Variants in B4GALT6 observed in about 807,000 individuals in gnomAD.
B4GALT6 encodes the protein beta-1,4-galactosyltransferase 6, also known as UDP-Gal:beta-GlcNAc beta-1,4-galactosyltransferase 6.
B4GALT6 carries 14 observed loss-of-function variants against 46.3 expected under a neutral mutation model. That is an observed-to-expected ratio of 0.30 (90% CI 0.20 to 0.47). The LOEUF (loss-of-function observed/expected upper bound fraction) is 0.47. Among genes scored for constraint, B4GALT6 ranks in the 20% least tolerant of loss-of-function variants. B4GALT6 has a pLI of 0.99. For synonymous variants in B4GALT6, 168 were observed against 162.0 expected, an observed-to-expected ratio of 1.04 and a Z score of -0.28; for missense variants, 386 against 480.1, an observed-to-expected ratio of 0.80 and a Z score of 1.83.
Position 31,668,075 on chromosome 18 carries a change from C to A in B4GALT6, c.116-1703G>T, listed in dbSNP as rs984740129. 4.2e-5 allele frequency among the ~76,000 whole-genome samples: 6 copies of A among 143,912 alleles called. No individual in the cohort carries two copies. The Admixed American group carries it at 4.3e-4, about 10-fold the overall frequency. 94.4% of individuals were successfully genotyped at this position (143,912 alleles called of 152,430 possible). A position where few individuals can be genotyped will look rare whatever the true frequency, so the allele number is the denominator to read the frequency against. On this transcript the variant is annotated intron_variant, in intron 1 of 8. Coordinates refer to ENST00000306851, the MANE Select transcript of B4GALT6 (RefSeq NM_004775.5). Reference sequence around the variant, plus strand: ...CTGCGCCACTGCACTCCAGCCTGGGCGAGGGAGCAAGACTCCATCTCAAAA... The same window carrying A: ...CTGCGCCACTGCACTCCAGCCTGGGAGAGGGAGCAAGACTCCATCTCAAAA...
chr18:31,687,339 G>T (rs149392277), upstream of B4GALT6, among the ~76,000 whole-genome samples: 375 of 152,312 alleles, frequency 2.5e-3, 2 homozygotes, highest in South Asian at 4.6e-3. Flanking sequence ...TCTGTCCACA[G>T]TAACAAATGA....
chr18:31,719,618 G>A, the B4GALT6 span, among the ~76,000 whole-genome samples: 1 of 152,218 alleles, frequency 6.6e-6, no homozygotes, highest in South Asian at 2.1e-4. Context: ...AGAGCCAGCT[G>A]TGCAGGAGAC....
At chr18:31,663,404 A>G (rs2074243208) in intron 2 of B4GALT6, among the ~76,000 whole-genome samples, 1 of 152,192 alleles carries the variant, frequency 6.6e-6, no homozygotes. Context: ...CTGCTTCAGT[A>G]ATTAGATGAA....
At chr18:31,720,405 T>C in the B4GALT6 span, among the ~76,000 whole-genome samples, 1 of 152,190 alleles carries the variant, frequency 6.6e-6, no homozygotes, top group South Asian at 2.1e-4. Context: ...GCTGGAGAGA[T>C]GTCAAGGACT....
rs753342828 is a variant in B4GALT6, at chr18:31,624,942, CAT to C, written c.*670_*671del. On this transcript the variant is annotated 3_prime_UTR_variant, in exon 9 of 9. Transcript: ENST00000306851. The stretch of plus-strand genomic sequence containing the variant: ...AGATGAGATTGCAAGCAAGGAAAAA[CAT>C]AGGTAATCCCGGTAGGAAGAAAAGC... The C allele has an allele frequency of 2.0e-5, 3 of 152,722 alleles. No individual in the cohort carries two copies. The East Asian group carries it at 5.8e-4, about 29-fold the overall frequency. The allele number at this position is 152,722 out of a possible 1,614,324, so 9.5% of individuals were successfully genotyped here. A position where few individuals can be genotyped will look rare whatever the true frequency, so the allele number is the denominator to read the frequency against.
At chr18:31,724,499 G>C in the B4GALT6 span, 2 of 1,010,620 alleles carry the variant, frequency 2.0e-6, no homozygotes, top group Non-Finnish European at 2.4e-6. Flanking sequence ...ATTACCTGGG[G>C]TCTTCTGCTT....
chr18:31,697,299 C>G, the B4GALT6 span, among the ~76,000 whole-genome samples: 27 of 151,674 alleles, frequency 1.8e-4, no homozygotes, highest in Admixed American at 1.2e-3. Context: ...GAGAGAGAGA[C>G]AGAGAGCCAG....
chr18:31,680,325 G>C (rs1054216897), intron 1 of B4GALT6, among the ~76,000 whole-genome samples: 3 of 152,154 alleles, frequency 2.0e-5, no homozygotes, highest in Non-Finnish European at 2.9e-5. Context: ...AGCCCAGGAA[G>C]AACCCCAGCC....
Position 31,684,359 on chromosome 18 carries a change from G to C in B4GALT6, c.68C>G (p.Ser23Cys). The C allele has an allele frequency of 6.2e-7, 1 of 1,613,874 alleles. No individual in the cohort carries two copies. The highest frequency in any genetic ancestry group is 8.5e-7 in the Non-Finnish European group (1 of 1,179,924). ...RSLLAFIFFF[S>C]LSSSCLYFIY... ...GAAGTACAGACAGGACGAAGAGAGG[G>C]AGAAGAAGAAGATGAAGGCGAGGAG... is the stretch of plus-strand genomic sequence containing the variant. The change falls in exon 1 of 9, where the codon TCC becomes TGC. Residue 23 changes from serine (S) to cysteine (C), a missense_variant. Ser to Cys is a moderately radical substitution (Grantham distance 112). Coordinates refer to ENST00000306851, the MANE Select transcript of B4GALT6 (RefSeq NM_004775.5).
At chr18:31,715,040 T>C in the B4GALT6 span, among the ~76,000 whole-genome samples, 9 of 152,220 alleles carry the variant, frequency 5.9e-5, no homozygotes, top group African/African-American at 2.2e-4. Context: ...ATGCAATGTG[T>C]ATTTTATCGG....
At chr18:31,721,462 C>CA in the B4GALT6 span, among the ~76,000 whole-genome samples, 1 of 151,910 alleles carries the variant, frequency 6.6e-6, no homozygotes, top group African/African-American at 2.4e-5. Context: ...TAAAAACTTA[C>CA]AAAAAAAATA....
At chr18:31,653,921 T>A (rs2074107369) in intron 3 of B4GALT6, among the ~76,000 whole-genome samples, 1 of 131,684 alleles carries the variant, frequency 7.6e-6, no homozygotes, top group Non-Finnish European at 1.6e-5. Flanking sequence ...TCCCATCTCA[T>A]TTTTTTTTTT....
chr18:31,700,539 C>T, the B4GALT6 span, among the ~76,000 whole-genome samples: 52 of 152,022 alleles, frequency 3.4e-4, no homozygotes, highest in Admixed American at 2.1e-3. Flanking sequence ...TCACTGCAAG[C>T]TCTATCTCCC....
chr18:31,635,809 C>T (rs768586749), intron 5 of B4GALT6, among the ~76,000 whole-genome samples: 1 of 152,014 alleles, frequency 6.6e-6, no homozygotes, highest in Non-Finnish European at 1.5e-5. Flanking sequence ...CAGAGGCAGA[C>T]TCTGTCTCAA....
intron 5 of B4GALT6, among the ~76,000 whole-genome samples, chr18:31,632,166 C>T (rs1038843621): frequency 1.3e-5 from 2 of 152,124 alleles, no homozygotes; most frequent in Non-Finnish European, 1.5e-5. Context: ...ATGAGACACA[C>T]ATTGTAGTCA....
chr18:31,631,421 C>T lies in B4GALT6; in HGVS notation c.589-275G>A, dbSNP rs147710619. ...GATCAAATGATTACAATAATTAGAC[C>T]CAAATGAAATAGACAAATAATAAAT... On this transcript the variant is annotated intron_variant, in intron 5 of 8. Coordinates refer to ENST00000306851, the MANE Select transcript of B4GALT6 (RefSeq NM_004775.5). Among the ~76,000 whole-genome samples, 54 of 151,602 alleles carry T rather than the reference C, an allele frequency of 3.6e-4. No homozygotes were observed. In the East Asian group the frequency reaches 8.1e-3, roughly 23 times the overall value.
the B4GALT6 span, among the ~76,000 whole-genome samples, chr18:31,713,012 G>T: frequency 6.6e-6 from 1 of 151,958 alleles, no homozygotes; most frequent in Non-Finnish European, 1.5e-5. Context: ...GCACTGTTTG[G>T]TTCTTACCAG....
At chr18:31,626,212 C>A (rs1180141266) in intron 8 of B4GALT6, 71 bp downstream of exon 8, 3 of 860,534 alleles carry the variant, frequency 3.5e-6, no homozygotes, top group African/African-American at 3.4e-5. Context: ...GGGTTCAATG[C>A]ATTTTTATTT....
At chr18:31,702,778 G>T in the B4GALT6 span, among the ~76,000 whole-genome samples, 1 of 152,146 alleles carries the variant, frequency 6.6e-6, no homozygotes. Flanking sequence ...TCTTCTCTTC[G>T]CTCATCTTCC....
Sources: allele counts gnomAD v4.1 joint callset (sites outside exome capture counted in the v4.1 genomes callset), GRCh38; gene constraint gnomAD v4.1.1; transcripts MANE v1.5; gene names NCBI Gene and HGNC (gene_info 2026-07-23, HGNC 2026-07-21).